BMP7: variants seen among roughly 807,000 people sequenced by gnomAD.
BMP7 encodes the protein osteogenic protein 1.
Under a neutral mutation model 41.2 loss-of-function variants are expected in BMP7, and 12 were observed. That is an observed-to-expected ratio of 0.29 (90% CI 0.19 to 0.47). The LOEUF (loss-of-function observed/expected upper bound fraction) is 0.47, where lower values mean the gene tolerates loss of function less well. Ranked by LOEUF, BMP7 falls within the 20% of genes least tolerant of loss-of-function variation. BMP7 has a pLI of 0.99. For synonymous variants in BMP7, 248 were observed against 250.0 expected (o/e 0.99, Z 0.07); for missense variants, 467 against 606.0 (o/e 0.77, Z 2.41).
intron 5 of BMP7, chr20:57,173,596 C>A (rs1983858461): frequency 7.5e-6 from 4 of 536,852 alleles, no homozygotes; most frequent in South Asian, 6.4e-5. Flanking sequence ...TATGATCACA[C>A]CACTGCACCC....
At chr20:57,198,466 G>A (rs1205741252) in intron 3 of BMP7, among the ~76,000 whole-genome samples, 2 of 152,202 alleles carry the variant, frequency 1.3e-5, no homozygotes, top group African/African-American at 4.8e-5. Flanking sequence ...CCCATCCCCA[G>A]GGAGATGAGA....
At chr20:57,231,278 T>C (rs1365534014) in intron 1 of BMP7, among the ~76,000 whole-genome samples, 1 of 152,240 alleles carries the variant, frequency 6.6e-6, no homozygotes. Flanking sequence ...ATCGTTGTAT[T>C]AGACCGCAAT....
chr20:57,173,487 T>C (rs1306128465), intron 5 of BMP7, 177 bp from the exon 6 acceptor site: 2 of 688,046 alleles, frequency 2.9e-6, no homozygotes, highest in South Asian at 1.6e-5. Flanking sequence ...TGGCCTCTCA[T>C]GGTCCCAAAA....
intron 2 of BMP7, among the ~76,000 whole-genome samples, chr20:57,227,206 G>C (rs1203283823): frequency 6.6e-6 from 1 of 152,136 alleles, no homozygotes; most frequent in African/African-American, 2.4e-5. Flanking sequence ...TCCTAATGTG[G>C]CCACATTCTC....
rs1984927066 is a variant in BMP7, at chr20:57,212,865, A to G, written c.612-10242T>C. 2.0e-5 allele frequency among the ~76,000 whole-genome samples: 3 copies of G among 152,094 alleles called. 1 individual carries two copies. Among genetic ancestry groups the G allele is most frequent in the Admixed American group, 6.5e-5 (1 of 15,286 alleles). ...CCTTCTGAGCTGCAGGCTGGGGAGG[A>G]CTCAGCCCGGGCCCCAGGCTCCCCC... On this transcript the variant is annotated intron_variant, in intron 2 of 6. Transcript: ENST00000395863.
chr20:57,229,503 T>A (rs1489886791), intron 1 of BMP7, among the ~76,000 whole-genome samples: 1 of 152,230 alleles, frequency 6.6e-6, no homozygotes, highest in African/African-American at 2.4e-5. Context: ...GGTGGGGACC[T>A]GTGGCTCCTG....
intron 2 of BMP7, chr20:57,225,706 T>C (rs1271724497): frequency 2.3e-5 from 6 of 259,910 alleles, no homozygotes; most frequent in South Asian, 8.8e-5. Context: ...ATAAATAATA[T>C]ATTTTTTAAA....
chr20:57,200,115 G>A (rs1341589345), intron 3 of BMP7, among the ~76,000 whole-genome samples: 1 of 152,174 alleles, frequency 6.6e-6, no homozygotes, highest in South Asian at 2.1e-4. Context: ...TACCTTGCTG[G>A]GTAATTGTGA....
At position 57,181,854 on chromosome 20, in the gene BMP7, G is replaced by A. The variant is rs951486053; in HGVS notation, c.958+1868C>T. Among the ~76,000 whole-genome samples, 6 of 152,352 alleles carry A rather than the reference G, an allele frequency of 3.9e-5. No individual in the cohort carries two copies. In the East Asian group the frequency reaches 5.8e-4, roughly 15 times the overall value. On this transcript the variant is annotated intron_variant, in intron 4 of 6. Transcript: ENST00000395863. ...GGGACCACCCTGCTACACAGAGCCC[G>A]CGTATTGGAAGGCCAGCTGATTAGC...
chr20:57,246,813 A>G (rs2066092299), intron 1 of BMP7, among the ~76,000 whole-genome samples: 1 of 152,008 alleles, frequency 6.6e-6, no homozygotes, highest in South Asian at 2.1e-4. Context: ...ACACGGTGAA[A>G]CTCCATCCCT....
Position 57,173,326 on chromosome 20 carries a change from G to C in BMP7, c.1036-16C>G. ...TGATCCAGTCCTGAGGAGGAGAAGA[G>C]AGTGTGGGAAACCATGCAGAAGGCC... On this transcript the variant is annotated splice_polypyrimidine_tract_variant and intron_variant, in intron 5 of 6. Coordinates refer to ENST00000395863, the MANE Select transcript of BMP7 (RefSeq NM_001719.3). 6.2e-7 allele frequency: 1 copy of C among 1,611,184 alleles called. No homozygotes were observed. Among genetic ancestry groups the C allele is most frequent in the Non-Finnish European group, 8.5e-7 (1 of 1,177,520 alleles).
At chr20:57,225,999 C>T (rs931680753) in intron 2 of BMP7, 2 of 468,156 alleles carry the variant, frequency 4.3e-6, no homozygotes, top group African/African-American at 2.0e-5. Context: ...GCCCAGAAGC[C>T]CCCAGGAGCA....
intron 1 of BMP7, among the ~76,000 whole-genome samples, chr20:57,263,842 C>T (rs1192012466): frequency 2.0e-5 from 3 of 152,076 alleles, no homozygotes; most frequent in East Asian, 3.9e-4. Context: ...GTGCAGACGA[C>T]GAAAAATCAG....
intron 1 of BMP7, among the ~76,000 whole-genome samples, chr20:57,264,282 T>TGG (rs1403755705): frequency 6.6e-6 from 1 of 152,184 alleles, no homozygotes; most frequent in Non-Finnish European, 1.5e-5. Context: ...GTGCCCAGCG[T>TGG]GGGGCTTCAG....
At chr20:57,247,267 C>CA (rs1280300103) in intron 1 of BMP7, among the ~76,000 whole-genome samples, 2 of 152,168 alleles carry the variant, frequency 1.3e-5, no homozygotes, top group Non-Finnish European at 1.5e-5. Context: ...TGTAGTAGTT[C>CA]AAACATATGA....
intron 1 of BMP7, among the ~76,000 whole-genome samples, chr20:57,237,033 C>G (rs2066050538): frequency 6.6e-6 from 1 of 152,220 alleles, no homozygotes; most frequent in African/African-American, 2.4e-5. Flanking sequence ...TGCCGCTAAA[C>G]TATGAGGCAG....
chr20:57,194,997 G>A (rs1984459189), intron 3 of BMP7, among the ~76,000 whole-genome samples: 2 of 152,362 alleles, frequency 1.3e-5, no homozygotes, highest in African/African-American at 4.8e-5. Flanking sequence ...GATTCACTGA[G>A]GCATAGAGGG....
At chr20:57,194,843 C>A (rs965856672) in intron 3 of BMP7, among the ~76,000 whole-genome samples, 1 of 152,184 alleles carries the variant, frequency 6.6e-6, no homozygotes, top group Non-Finnish European at 1.5e-5. Flanking sequence ...ACACCCTGGC[C>A]CAGCCGACTG....
intron 1 of BMP7, among the ~76,000 whole-genome samples, chr20:57,250,522 C>A: frequency 7.3e-6 from 1 of 136,848 alleles, no homozygotes. Context: ...CAGAACCTGT[C>A]ACCCTGACTC....
Sources: allele counts gnomAD v4.1 joint callset (sites outside exome capture counted in the v4.1 genomes callset), GRCh38; gene constraint gnomAD v4.1.1; transcripts MANE v1.5; gene names NCBI Gene and HGNC (gene_info 2026-07-23, HGNC 2026-07-21).